RNF150: variants seen among roughly 807,000 people sequenced by gnomAD.
RNF150 encodes ring finger protein 150.
RNF150 carries 24 observed loss-of-function variants against 39.3 expected under a neutral mutation model. The ratio of observed to expected loss-of-function variants is 0.61; its 90% CI spans 0.44 to 0.86. The LOEUF is 0.86. Among genes scored for constraint, RNF150 ranks in the 40% least tolerant of loss-of-function variants. The pLI is 0.00. For missense variants in RNF150, 502 were observed against 587.8 expected, an observed-to-expected ratio of 0.85 and a Z score of 1.51; for synonymous variants, 255 against 227.3, an observed-to-expected ratio of 1.12 and a Z score of -1.10.
At chr4:141,080,997 A>T (rs933739857) in intron 1 of RNF150, among the ~76,000 whole-genome samples, 5 of 152,182 alleles carry the variant, frequency 3.3e-5, no homozygotes, top group Non-Finnish European at 7.4e-5. Flanking sequence ...TCACATGTCC[A>T]ATGCGGTTGT....
At chr4:141,138,747 ATCTTC>A (rs1052792827) in intron 1 of RNF150, among the ~76,000 whole-genome samples, 4 of 152,180 alleles carry the variant, frequency 2.6e-5, no homozygotes, top group South Asian at 2.1e-4. Flanking sequence ...CTGAGCCACA[ATCTTC>A]TCTTCAAAGT....
intron 5 of RNF150, among the ~76,000 whole-genome samples, chr4:140,919,108 C>T (rs1174199939): frequency 6.8e-6 from 1 of 147,338 alleles, no homozygotes; most frequent in Admixed American, 6.9e-5. Context: ...TGGAAGCATT[C>T]CCTTTGAAAA....
rs61294721 is a variant in RNF150 at position 140,926,670 on chromosome 4, T to C, written c.891-597A>G. Reference sequence around the variant, plus strand: ...TATCTGCACAGTTGATTAACTCAACTACATGGTCATTCCCATGTGCCAATC... The same window carrying C: ...TATCTGCACAGTTGATTAACTCAACCACATGGTCATTCCCATGTGCCAATC... On this transcript the variant is annotated intron_variant, in intron 4 of 6. Transcript: ENST00000515673. Among the ~76,000 whole-genome samples, 864 of 152,344 alleles carry C rather than the reference T, an allele frequency of 5.7e-3. 9 individuals carry two copies. The highest frequency in any genetic ancestry group is 0.019 in the African/African-American group (804 of 41,570).
rs147545624 is a variant in RNF150 at position 141,100,383 on chromosome 4, T to C, written c.484+31942A>G. Among the ~76,000 whole-genome samples the C allele has an allele frequency of 3.0e-3, 450 of 152,236 alleles. 1 individual carries two copies. Among genetic ancestry groups the C allele is most frequent in the African/African-American group, 1.0e-2 (415 of 41,556 alleles). ...GAAATTCTGGAATGGATTCCACAAA[T>C]AGAAAAAAATAATATTCTTCCTTCT... is the stretch of plus-strand genomic sequence containing the variant. On this transcript the variant is annotated intron_variant, in intron 1 of 6. Coordinates refer to ENST00000515673, the MANE Select transcript of RNF150 (RefSeq NM_020724.2).
intron 1 of RNF150, among the ~76,000 whole-genome samples, chr4:141,175,231 G>C (rs1329354419): frequency 6.6e-6 from 1 of 152,148 alleles, no homozygotes; most frequent in Non-Finnish European, 1.5e-5. Flanking sequence ...TTGGGAAATT[G>C]CTTAATCTCT....
chr4:140,884,887 G>C (rs1054731112), intron 6 of RNF150, among the ~76,000 whole-genome samples: 10 of 152,168 alleles, frequency 6.6e-5, no homozygotes, highest in Admixed American at 3.3e-4. Context: ...CTATACTAGA[G>C]GGGAGGGGCT....
intron 6 of RNF150, among the ~76,000 whole-genome samples, chr4:140,880,397 T>A (rs987621824): frequency 6.6e-6 from 1 of 152,166 alleles, no homozygotes; most frequent in Non-Finnish European, 1.5e-5. Flanking sequence ...TTAAATTGAT[T>A]TCCTCATATT....
intron 1 of RNF150, among the ~76,000 whole-genome samples, chr4:140,984,494 G>A (rs1480984140): frequency 1.3e-5 from 2 of 152,202 alleles, no homozygotes; most frequent in African/African-American, 2.4e-5. Context: ...GAAGGGTTCG[G>A]CAACTGAGTT....
At chr4:141,135,658 A>G (rs773090861), upstream of RNF150, among the ~76,000 whole-genome samples, 15 of 152,376 alleles carry the variant, frequency 9.8e-5, no homozygotes, top group South Asian at 8.3e-4. Flanking sequence ...TAATGGATAT[A>G]GAAAGTCACC....
chr4:141,151,084 C>T (rs1329257494), intron 1 of RNF150, among the ~76,000 whole-genome samples: 2 of 151,776 alleles, frequency 1.3e-5, no homozygotes, highest in African/African-American at 4.8e-5. Context: ...GGACTAGAGG[C>T]GTACATTACC....
chr4:140,934,575 A>G (rs1731765779), intron 4 of RNF150, among the ~76,000 whole-genome samples: 1 of 152,234 alleles, frequency 6.6e-6, no homozygotes, highest in South Asian at 2.1e-4. Flanking sequence ...AGTAATATCC[A>G]GAAAACATAC....
intron 1 of RNF150, among the ~76,000 whole-genome samples, chr4:141,092,415 G>C (rs1257145560): frequency 6.6e-6 from 1 of 151,776 alleles, no homozygotes; most frequent in South Asian, 2.1e-4. Context: ...GGAAATACAA[G>C]CAATATCTTA....
At chr4:140,910,559 A>G (rs1052110411) in intron 6 of RNF150, among the ~76,000 whole-genome samples, 7 of 152,134 alleles carry the variant, frequency 4.6e-5, no homozygotes, top group African/African-American at 1.7e-4. Flanking sequence ...ATTCAGGGCC[A>G]CTGTGCACAG....
intron 1 of RNF150, among the ~76,000 whole-genome samples, chr4:141,115,216 A>C (rs1278628924): frequency 1.3e-5 from 2 of 152,228 alleles, no homozygotes; most frequent in Admixed American, 6.5e-5. Context: ...CCGTTTGCAG[A>C]CTACATGATT....
At chr4:140,917,947 T>C (rs1730914355) in intron 5 of RNF150, among the ~76,000 whole-genome samples, 1 of 151,182 alleles carries the variant, frequency 6.6e-6, no homozygotes, top group African/African-American at 2.4e-5. Context: ...GACTACTGGG[T>C]ACATAACGAA....
chr4:141,187,437 T>C (rs1180209934), intron 1 of RNF150, among the ~76,000 whole-genome samples: 2 of 152,208 alleles, frequency 1.3e-5, no homozygotes, highest in African/African-American at 4.8e-5. Flanking sequence ...ATTTGTCTAA[T>C]ATTGACAGTG....
At chr4:140,932,714 A>G (rs750280515) in intron 4 of RNF150, among the ~76,000 whole-genome samples, 4 of 152,200 alleles carry the variant, frequency 2.6e-5, no homozygotes, top group Non-Finnish European at 5.9e-5. Context: ...CCAGTATGTC[A>G]GCTCTCCATC....
chr4:141,058,172 T>C (rs1208480664), intron 1 of RNF150, among the ~76,000 whole-genome samples: 1 of 152,194 alleles, frequency 6.6e-6, no homozygotes, highest in African/African-American at 2.4e-5. Context: ...TGGAATTGTG[T>C]TATTAAAGTA....
Position 140,889,167 on chromosome 4 carries a change from G to A in RNF150, c.1199-20788C>T, listed in dbSNP as rs556871714. On this transcript the variant is annotated intron_variant, in intron 6 of 6. Transcript: ENST00000515673. ...CGAAGTGCTGGGATTACAGACATGA[G>A]CCACTGTGCCTGGCTTAAACAATTC... is the stretch of plus-strand genomic sequence containing the variant. 9.2e-5 allele frequency among the ~76,000 whole-genome samples: 14 copies of A among 152,248 alleles called. No homozygotes were observed. The East Asian group carries it at 2.7e-3, about 29-fold the overall frequency.
Sources: gnomAD v4.1 joint callset for allele counts (sites outside exome capture counted in the v4.1 genomes callset) on GRCh38, gnomAD v4.1.1 for gene constraint, MANE v1.5 for transcripts, NCBI Gene and HGNC (gene_info 2026-07-23, HGNC 2026-07-21) for gene names.